The following BMERB1 variants were observed in gnomAD, a reference collection of about 807,000 sequenced individuals.
BMERB1 encodes bMERB domain containing 1, also known as bMERB domain-containing protein 1.
Under a neutral mutation model 23.6 loss-of-function variants are expected in BMERB1, and 12 were observed. The observed-to-expected ratio is 0.51, with a 90% CI of 0.33 to 0.82. The LOEUF (loss-of-function observed/expected upper bound fraction) is 0.82. Ranked by LOEUF, BMERB1 falls within the 40% of genes least tolerant of loss-of-function variation. The pLI is 0.03. For missense variants in BMERB1, 247 were observed against 255.4 expected (o/e 0.97, Z 0.22); for synonymous variants, 122 against 96.6 (o/e 1.26, Z -1.54).
chr16:15,490,945 G>A (rs1331305960), intron 1 of BMERB1, among the ~76,000 whole-genome samples: 1 of 152,070 alleles, frequency 6.6e-6, no homozygotes, highest in Non-Finnish European at 1.5e-5. Context: ...TTCTGGGCTT[G>A]AGCAATCCTC....
rs533159310 is a variant in BMERB1, at chr16:15,560,004, A to G, written c.231-7979A>G. On this transcript the variant is annotated intron_variant, in intron 2 of 5. Transcript: ENST00000300006. The stretch of plus-strand genomic sequence containing the variant: ...ACAAATTTGTGTTGGGCTGCCTTCA[A>G]AAGCCATCCTGGGCCTAATTTGGAC... 9.2e-5 allele frequency among the ~76,000 whole-genome samples: 14 copies of G among 152,358 alleles called. No homozygotes were observed. The East Asian group carries it at 2.5e-3, about 27-fold the overall frequency.
At chr16:15,438,709 C>T (rs2050910202) in intron 1 of BMERB1, among the ~76,000 whole-genome samples, 1 of 152,178 alleles carries the variant, frequency 6.6e-6, no homozygotes, top group African/African-American at 2.4e-5. Flanking sequence ...ATCTGCCCTC[C>T]TTGGCCTCCC....
At chr16:15,586,653 C>T (rs1457234888) in intron 5 of BMERB1, 64 bp from the exon 6 acceptor site, 15 of 1,362,006 alleles carry the variant, frequency 1.1e-5, no homozygotes, top group Non-Finnish European at 1.5e-5. Flanking sequence ...CAGGGCTCTG[C>T]TCACCTCACC....
intron 1 of BMERB1, among the ~76,000 whole-genome samples, chr16:15,443,977 A>G (rs542338307): frequency 1.3e-5 from 2 of 152,096 alleles, no homozygotes; most frequent in African/African-American, 4.8e-5. Flanking sequence ...CTGCAGGCCA[A>G]CAGCAAAGAG....
At chr16:15,480,470 G>A (rs1410592698) in intron 1 of BMERB1, among the ~76,000 whole-genome samples, 1 of 151,910 alleles carries the variant, frequency 6.6e-6, no homozygotes, top group Non-Finnish European at 1.5e-5. Context: ...AGTAGCTGAA[G>A]TAGTCTATCC....
At chr16:15,556,183 A>AAG (rs566268896) in intron 2 of BMERB1, among the ~76,000 whole-genome samples, 169 of 152,210 alleles carry the variant, frequency 1.1e-3, no homozygotes, top group African/African-American at 3.8e-3. Flanking sequence ...CATCTCAAAA[A>AAG]AAAAAAAAAT....
intron 2 of BMERB1, among the ~76,000 whole-genome samples, chr16:15,519,503 G>C (rs1265080361): frequency 6.6e-6 from 1 of 152,142 alleles, no homozygotes; most frequent in Non-Finnish European, 1.5e-5. Context: ...CGATTCTTGT[G>C]CCTCGGCCTT....
intron 1 of BMERB1, among the ~76,000 whole-genome samples, chr16:15,501,912 A>G (rs1447029947): frequency 6.6e-6 from 1 of 152,176 alleles, no homozygotes; most frequent in Non-Finnish European, 1.5e-5. Flanking sequence ...ATGTGCCTCC[A>G]CACCCAGCCT....
intron 1 of BMERB1, among the ~76,000 whole-genome samples, chr16:15,500,273 C>A (rs1039352996): frequency 1.3e-5 from 2 of 152,150 alleles, no homozygotes; most frequent in Admixed American, 1.3e-4. Flanking sequence ...GGGCAGCCGA[C>A]CTGTGGGGCC....
At chr16:15,532,243 T>G (rs962270971) in intron 2 of BMERB1, among the ~76,000 whole-genome samples, 1 of 152,180 alleles carries the variant, frequency 6.6e-6, no homozygotes, top group African/African-American at 2.4e-5. Context: ...TTTTTTTGTT[T>G]TTTTTTGAGA....
chr16:15,519,789 C>T (rs2051827120), intron 2 of BMERB1, among the ~76,000 whole-genome samples: 1 of 152,156 alleles, frequency 6.6e-6, no homozygotes, highest in Non-Finnish European at 1.5e-5. Context: ...TTTTTCTCAG[C>T]TGATTTAACT....
chr16:15,532,544 C>CTTTTTTTTTTTTTTTTTT (rs58964968), intron 2 of BMERB1, among the ~76,000 whole-genome samples: 15 of 91,854 alleles, frequency 1.6e-4, no homozygotes, highest in Non-Finnish European at 2.5e-4. Flanking sequence ...TTTTCTTTTT[C>CTTTTTTTTTTTTTTTTTT]TTTTTTTTTT....
At chr16:15,465,387 G>A (rs1414517449) in intron 1 of BMERB1, among the ~76,000 whole-genome samples, 2 of 145,276 alleles carry the variant, frequency 1.4e-5, no homozygotes, top group African/African-American at 5.1e-5. Flanking sequence ...GGGTCTCAAT[G>A]TGTCACCCAG....
Position 15,568,005 on chromosome 16 carries a change from A to G in BMERB1, c.253A>G (p.Lys85Glu). ...RFMMDDIQLCKDIMDLKQELQ... is the reference protein window; with the variant it reads ...RFMMDDIQLCEDIMDLKQELQ... Reference sequence around the variant, plus strand: ...CAGGATGGATGACATCCAGCTCTGCAAGGACATCATGGACTTGAAGCAGGA... The same window carrying G: ...CAGGATGGATGACATCCAGCTCTGCGAGGACATCATGGACTTGAAGCAGGA... The change falls in exon 3 of 6, where the codon AAG (lysine) becomes GAG (glutamate). Residue 85 changes from lysine (K) to glutamate (E), a missense_variant. Transcript: ENST00000300006. The G allele has an allele frequency of 1.2e-6, 2 of 1,613,958 alleles. No homozygotes were observed. The highest frequency in any genetic ancestry group is 1.7e-6 in the Non-Finnish European group (2 of 1,179,898).
intron 2 of BMERB1, among the ~76,000 whole-genome samples, chr16:15,551,028 T>C (rs1462578684): frequency 6.6e-6 from 1 of 151,668 alleles, no homozygotes. Flanking sequence ...TGACTGAGAG[T>C]GGAAGGCACA....
chr16:15,524,379 A>G (rs926437350), intron 2 of BMERB1, among the ~76,000 whole-genome samples: 6 of 152,176 alleles, frequency 3.9e-5, no homozygotes, highest in Non-Finnish European at 8.8e-5. Flanking sequence ...GAGAATTTCT[A>G]AGCTAGACTT....
intron 2 of BMERB1, among the ~76,000 whole-genome samples, chr16:15,550,230 G>A (rs1048312644): frequency 6.6e-5 from 10 of 152,012 alleles, no homozygotes; most frequent in Admixed American, 2.6e-4. Flanking sequence ...GTGAGCCACC[G>A]CGCCCGGCCC....
At chr16:15,570,099 C>T (rs2030685326) in intron 3 of BMERB1, among the ~76,000 whole-genome samples, 2 of 152,194 alleles carry the variant, frequency 1.3e-5, no homozygotes, top group Admixed American at 6.5e-5. Context: ...ATCATTTTTG[C>T]AAAGGTGTTT....
rs187451942 is a variant in BMERB1, at chr16:15,525,006, T to A, written c.230+9578T>A. 6.7e-4 allele frequency among the ~76,000 whole-genome samples: 102 copies of A among 152,256 alleles called. 1 individual carries two copies. The East Asian group carries it at 0.017, about 26-fold the overall frequency. On this transcript the variant is annotated intron_variant, in intron 2 of 5. Coordinates refer to ENST00000300006, the MANE Select transcript of BMERB1 (RefSeq NM_033201.3). ...GTGATTATCAATTTTATGCATCAAC[T>A]TGAGTGGGCCACAGGGTTCCCAGAT...
Sources: allele counts gnomAD v4.1 joint callset (sites outside exome capture counted in the v4.1 genomes callset), GRCh38; gene constraint gnomAD v4.1.1; transcripts MANE v1.5; gene names NCBI Gene and HGNC (gene_info 2026-07-23, HGNC 2026-07-21).